ERBB4: variants seen among roughly 807,000 people sequenced by gnomAD.
ERBB4 encodes the protein erb-b2 receptor tyrosine kinase 4, also known as receptor tyrosine-protein kinase erbB-4.
Under a neutral mutation model 158.0 loss-of-function variants are expected in ERBB4, and 42 were observed. The observed-to-expected ratio is 0.27, with a 90% CI of 0.21 to 0.34. The LOEUF (loss-of-function observed/expected upper bound fraction) is 0.34. ERBB4 is among the 10% of genes least tolerant of loss of function. ERBB4 has a pLI of 1.00. For missense variants in ERBB4, 1,333 were observed against 1,624.1 expected, an observed-to-expected ratio of 0.82 and a Z score of 3.08; for synonymous variants, 583 against 558.7, an observed-to-expected ratio of 1.04 and a Z score of -0.61.
intron 1 of ERBB4, among the ~76,000 whole-genome samples, chr2:212,372,081 C>T (rs73987393): frequency 3.4e-3 from 512 of 151,968 alleles, no homozygotes; most frequent in African/African-American, 0.012. Flanking sequence ...GTTGAAGAGG[C>T]TGGATGGCAA....
chr2:212,335,976 A>G (rs942400622), intron 1 of ERBB4, among the ~76,000 whole-genome samples: 2 of 152,008 alleles, frequency 1.3e-5, no homozygotes, highest in East Asian at 1.9e-4. Flanking sequence ...CTAATATACA[A>G]TTAGTTCTAA....
chr2:211,542,334 G>T (rs1165992223), intron 20 of ERBB4, among the ~76,000 whole-genome samples: 2 of 151,928 alleles, frequency 1.3e-5, no homozygotes, highest in African/African-American at 4.8e-5. Context: ...TTAGCTCTGG[G>T]CTCCCAGTTG....
intron 2 of ERBB4, among the ~76,000 whole-genome samples, chr2:212,096,556 C>T (rs138424949): frequency 4.6e-5 from 7 of 152,224 alleles, no homozygotes; most frequent in African/African-American, 1.7e-4. Context: ...GCTCACATTT[C>T]CTCAAGTTTA....
At chr2:212,320,921 A>G (rs1016763694) in intron 1 of ERBB4, among the ~76,000 whole-genome samples, 1 of 150,302 alleles carries the variant, frequency 6.7e-6, no homozygotes, top group African/African-American at 2.4e-5. Flanking sequence ...TAAGAAAACG[A>G]AACAAAAGAA....
At chr2:212,307,819 T>G (rs1325621199) in intron 1 of ERBB4, among the ~76,000 whole-genome samples, 1 of 150,986 alleles carries the variant, frequency 6.6e-6, no homozygotes, top group Non-Finnish European at 1.5e-5. Context: ...AATTAAAATA[T>G]TTGATTTTCT....
chr2:212,122,659 T>C (rs1300944742), intron 2 of ERBB4, among the ~76,000 whole-genome samples: 1 of 152,078 alleles, frequency 6.6e-6, no homozygotes, highest in Non-Finnish European at 1.5e-5. Flanking sequence ...CAACACAGTA[T>C]AGACCATATA....
intron 5 of ERBB4, among the ~76,000 whole-genome samples, chr2:211,745,431 T>A (rs937738708): frequency 4.6e-5 from 7 of 152,280 alleles, no homozygotes; most frequent in Admixed American, 2.6e-4. Flanking sequence ...AGGACAGGAA[T>A]GAATGTCAAG....
intron 20 of ERBB4, among the ~76,000 whole-genome samples, chr2:211,525,182 A>T (rs555597870): frequency 1.3e-5 from 2 of 152,268 alleles, no homozygotes; most frequent in African/African-American, 4.8e-5. Flanking sequence ...CTTCGGGGGC[A>T]CATGACCTAC....
At chr2:212,347,144 T>C (rs1224928893) in intron 1 of ERBB4, among the ~76,000 whole-genome samples, 2 of 152,102 alleles carry the variant, frequency 1.3e-5, no homozygotes, top group Non-Finnish European at 2.9e-5. Context: ...GACTCTCTCC[T>C]CATGGAAATA....
At chr2:212,171,839 T>C (rs1187548158) in intron 1 of ERBB4, among the ~76,000 whole-genome samples, 1 of 152,136 alleles carries the variant, frequency 6.6e-6, no homozygotes, top group East Asian at 1.9e-4. Flanking sequence ...CTCAGATATG[T>C]CTTTATAGCA....
intron 20 of ERBB4, among the ~76,000 whole-genome samples, chr2:211,480,744 T>TA (rs1308089938): frequency 6.6e-6 from 1 of 152,192 alleles, no homozygotes; most frequent in Non-Finnish European, 1.5e-5. Flanking sequence ...TCACAGTTTT[T>TA]ATCCACCAAA....
At chr2:211,385,830 A>G (rs931759832) in intron 27 of ERBB4, among the ~76,000 whole-genome samples, 3 of 152,152 alleles carry the variant, frequency 2.0e-5, no homozygotes, top group African/African-American at 4.8e-5. Context: ...CCCAGAAAAG[A>G]TTCTTCTTTG....
intron 1 of ERBB4, among the ~76,000 whole-genome samples, chr2:212,428,494 T>C (rs938417838): frequency 6.6e-6 from 1 of 151,526 alleles, no homozygotes; most frequent in Non-Finnish European, 1.5e-5. Flanking sequence ...AAGGGTGAAA[T>C]GATAGTTGTC....
chr2:212,513,056 A>G (rs1691614626), intron 1 of ERBB4, among the ~76,000 whole-genome samples: 1 of 152,194 alleles, frequency 6.6e-6, no homozygotes, highest in Non-Finnish European at 1.5e-5. Context: ...TCATTTCAGA[A>G]ACTGTCTTTC....
rs561645469 is a variant in ERBB4 at position 211,378,808 on chromosome 2, C to G, written c.*4807G>C. 1 of 232,482 alleles carries G rather than the reference C, an allele frequency of 4.3e-6. No homozygotes were observed. Among genetic ancestry groups the G allele is most frequent in the Non-Finnish European group, 8.5e-6 (1 of 117,566 alleles). 14.4% of individuals were successfully genotyped at this position (232,482 alleles called of 1,614,324 possible). ...GGCTGTCCTTCAAACTGATACACAC[C>G]GAAGTCCATGTACACAAACAGAGGC... On this transcript the variant is annotated 3_prime_UTR_variant, in exon 28 of 28. Transcript: ENST00000342788.
At chr2:211,985,429 G>A (rs934443068) in intron 2 of ERBB4, among the ~76,000 whole-genome samples, 1 of 152,094 alleles carries the variant, frequency 6.6e-6, no homozygotes, top group Non-Finnish European at 1.5e-5. Flanking sequence ...ATAAACATGG[G>A]AATATGCCTA....
chr2:212,531,454 CTTAG>C (rs1038150290), intron 1 of ERBB4, among the ~76,000 whole-genome samples: 15 of 152,134 alleles, frequency 9.9e-5, no homozygotes, highest in Non-Finnish European at 1.5e-4. Flanking sequence ...AGAACTATGT[CTTAG>C]TTAGGGCCAT....
intron 2 of ERBB4, among the ~76,000 whole-genome samples, chr2:212,090,919 C>CT (rs1413642668): frequency 6.6e-6 from 1 of 152,252 alleles, no homozygotes; most frequent in African/African-American, 2.4e-5. Context: ...TGCAATTCTT[C>CT]TTTTTTCTAA....
intron 1 of ERBB4, among the ~76,000 whole-genome samples, chr2:212,456,316 C>A (rs186821055): frequency 6.6e-6 from 1 of 152,096 alleles, no homozygotes; most frequent in East Asian, 1.9e-4. Flanking sequence ...AAAATCACTA[C>A]AACAAAACTG....
Sources: allele counts gnomAD v4.1 joint callset (sites outside exome capture counted in the v4.1 genomes callset), GRCh38; gene constraint gnomAD v4.1.1; transcripts MANE v1.5; gene names NCBI Gene and HGNC (gene_info 2026-07-23, HGNC 2026-07-21).